The following LSAMP variants were observed in gnomAD, a reference collection of about 807,000 sequenced individuals.
LSAMP encodes the protein limbic system associated membrane protein.
A neutral mutation model predicts 38.6 loss-of-function variants in LSAMP; 7 were observed. The observed-to-expected ratio is 0.18, with a 90% CI of 0.10 to 0.34. The LOEUF (loss-of-function observed/expected upper bound fraction) is 0.34, where lower values mean the gene tolerates loss of function less well. Ranked by LOEUF, LSAMP falls within the 10% of genes least tolerant of loss-of-function variation. LSAMP has a pLI of 1.00. For synonymous variants in LSAMP, 154 were observed against 166.8 expected (o/e 0.92, Z 0.59); for missense variants, 313 against 420.0 (o/e 0.75, Z 2.23).
chr3:115,826,332 G>A (rs1297136217), intron 6 of LSAMP, among the ~76,000 whole-genome samples: 1 of 151,794 alleles, frequency 6.6e-6, no homozygotes, highest in East Asian at 1.9e-4. Context: ...AGCCAGGATG[G>A]TCTCAACCTC....
At chr3:115,924,217 C>A (rs1937447889) in intron 3 of LSAMP, among the ~76,000 whole-genome samples, 1 of 152,128 alleles carries the variant, frequency 6.6e-6, no homozygotes, top group Non-Finnish European at 1.5e-5. Flanking sequence ...AAGCTCCTTG[C>A]CCTTTTAAAT....
chr3:115,854,285 T>TTA (rs1553740776), intron 3 of LSAMP, among the ~76,000 whole-genome samples: 2,905 of 91,376 alleles, frequency 0.032, 43 homozygotes, highest in Admixed American at 0.091. Context: ...TATTATTATT[T>TTA]TTTTTTTTTT....
chr3:115,858,135 ATCTCTCTC>A (rs67994060), intron 3 of LSAMP, among the ~76,000 whole-genome samples: 16,116 of 144,034 alleles, frequency 0.11, 1,181 homozygotes, highest in Admixed American at 0.25. Flanking sequence ...CCGTCCTCCC[ATCTCTCTC>A]TCTCTCTCTC....
chr3:116,113,800 ATAT>A (rs1225442803), intron 1 of LSAMP, among the ~76,000 whole-genome samples: 56 of 152,056 alleles, frequency 3.7e-4, no homozygotes, highest in African/African-American at 1.0e-3. Flanking sequence ...ATTATTACTG[ATAT>A]TATTATATTT....
chr3:116,418,346 T>C (rs898305107), intron 1 of LSAMP, among the ~76,000 whole-genome samples: 4 of 152,204 alleles, frequency 2.6e-5, no homozygotes, highest in African/African-American at 9.6e-5. Flanking sequence ...ATTTGTCATC[T>C]TTCCCACACC....
intron 3 of LSAMP, among the ~76,000 whole-genome samples, chr3:115,869,301 AGACT>A (rs1288087998): frequency 9.2e-5 from 14 of 151,570 alleles, no homozygotes; most frequent in Non-Finnish European, 1.9e-4. Flanking sequence ...AGAGAGAGAG[AGACT>A]GACTGAGAGA....
intron 3 of LSAMP, among the ~76,000 whole-genome samples, chr3:115,880,057 C>T (rs1411092895): frequency 1.3e-5 from 2 of 152,108 alleles, no homozygotes; most frequent in Admixed American, 6.6e-5. Flanking sequence ...TTTGAATACA[C>T]TGAATGCAAC....
chr3:116,075,154 T>TTC (rs1436020871), intron 2 of LSAMP, among the ~76,000 whole-genome samples: 6 of 150,156 alleles, frequency 4.0e-5, no homozygotes, highest in African/African-American at 9.9e-5. Flanking sequence ...TTTTTTTTTT[T>TTC]TGAGAGAGAG....
intron 2 of LSAMP, among the ~76,000 whole-genome samples, chr3:116,052,542 C>T (rs948396940): frequency 6.6e-6 from 1 of 152,072 alleles, no homozygotes; most frequent in Non-Finnish European, 1.5e-5. Flanking sequence ...GGCTTTAATG[C>T]CTCTAGGTCT....
intron 1 of LSAMP, among the ~76,000 whole-genome samples, chr3:116,137,785 G>C (rs1258550356): frequency 6.6e-6 from 1 of 152,134 alleles, no homozygotes; most frequent in Non-Finnish European, 1.5e-5. Flanking sequence ...AGATCAGGCT[G>C]ATATTAACCT....
At chr3:116,009,036 CT>C (rs1940248176) in intron 3 of LSAMP, among the ~76,000 whole-genome samples, 1 of 152,124 alleles carries the variant, frequency 6.6e-6, no homozygotes, top group African/African-American at 2.4e-5. Flanking sequence ...AAGGAAAAAC[CT>C]TATTTCTCAA....
chr3:115,854,483 C>T (rs1421293783), intron 3 of LSAMP, among the ~76,000 whole-genome samples: 4 of 151,636 alleles, frequency 2.6e-5, no homozygotes, highest in Non-Finnish European at 5.9e-5. Flanking sequence ...GGGGTTTCAC[C>T]GTGTTAGCCA....
At chr3:116,103,628 T>G (rs1436031977) in intron 1 of LSAMP, among the ~76,000 whole-genome samples, 1 of 151,456 alleles carries the variant, frequency 6.6e-6, no homozygotes, top group African/African-American at 2.4e-5. Context: ...GGCTTATTTA[T>G]ATATCCTTCC....
chr3:116,231,711 A>G (rs1208563925), intron 1 of LSAMP, among the ~76,000 whole-genome samples: 3 of 152,204 alleles, frequency 2.0e-5, no homozygotes, highest in Non-Finnish European at 2.9e-5. Context: ...GAGAGGGGAC[A>G]CTGTGGGCTG....
chr3:115,854,349 C>A (rs1444919224), intron 3 of LSAMP, among the ~76,000 whole-genome samples: 108 of 138,868 alleles, frequency 7.8e-4, no homozygotes, highest in Non-Finnish European at 1.3e-3. Context: ...GTGGCACAAT[C>A]TCGGCTCACT....
intron 1 of LSAMP, among the ~76,000 whole-genome samples, chr3:116,312,994 A>G (rs116785315): frequency 0.013 from 1,947 of 152,276 alleles, 47 homozygotes; most frequent in African/African-American, 0.046. Flanking sequence ...GTCTTAGTCA[A>G]TGTTAAGGAC....
At chr3:115,897,162 G>C (rs762381017) in intron 3 of LSAMP, among the ~76,000 whole-genome samples, 21 of 152,058 alleles carry the variant, frequency 1.4e-4, no homozygotes, top group Non-Finnish European at 2.1e-4. Context: ...TGTGTGGCAG[G>C]GGGAGGGAGG....
intron 1 of LSAMP, among the ~76,000 whole-genome samples, chr3:116,346,701 T>A (rs929674788): frequency 6.6e-6 from 1 of 152,194 alleles, no homozygotes; most frequent in African/African-American, 2.4e-5. Flanking sequence ...TGATACTGAG[T>A]ACCAGAGGGG....
chr3:116,178,706 A>T (rs1227156672), intron 1 of LSAMP, among the ~76,000 whole-genome samples: 2 of 152,222 alleles, frequency 1.3e-5, no homozygotes. Context: ...TGGGAGCCCA[A>T]GATAAACCAA....
Sources: allele counts gnomAD v4.1 joint callset (sites outside exome capture counted in the v4.1 genomes callset), GRCh38; gene constraint gnomAD v4.1.1; transcripts MANE v1.5; gene names NCBI Gene and HGNC (gene_info 2026-07-23, HGNC 2026-07-21).